LARGE1: variants seen among roughly 807,000 people sequenced by gnomAD.
LARGE1 encodes the protein xylosyl- and glucuronyltransferase LARGE1.
LARGE1 carries 43 observed loss-of-function variants against 87.6 expected under a neutral mutation model. The ratio of observed to expected loss-of-function variants is 0.49; its 90% CI spans 0.38 to 0.63. The LOEUF (loss-of-function observed/expected upper bound fraction) is 0.63, where lower values mean the gene tolerates loss of function less well. Among genes scored for constraint, LARGE1 ranks in the 30% least tolerant of loss-of-function variants. LARGE1 has a pLI of 0.00. For missense variants in LARGE1, 802 were observed against 1,000.2 expected (o/e 0.80, Z 2.67); for synonymous variants, 434 against 394.6 (o/e 1.10, Z -1.18).
chr22:33,071,021 T>TA, the LARGE1 span, among the ~76,000 whole-genome samples: 5 of 151,694 alleles, frequency 3.3e-5, no homozygotes, highest in Non-Finnish European at 7.4e-5. Context: ...AATAAAAAAT[T>TA]AAAAAAAATA....
intron 1 of LARGE1, among the ~76,000 whole-genome samples, chr22:33,895,303 G>A (rs79143023): frequency 0.015 from 2,228 of 152,298 alleles, 40 homozygotes; most frequent in African/African-American, 0.051. Flanking sequence ...GGTGACCAGA[G>A]TAGAAAACTA....
intron 7 of LARGE1, among the ~76,000 whole-genome samples, chr22:33,393,734 T>C (rs1003259267): frequency 6.6e-6 from 1 of 152,232 alleles, no homozygotes; most frequent in Non-Finnish European, 1.5e-5. Flanking sequence ...TGCCCCTGAG[T>C]GCTCTGCACA....
At chr22:33,777,882 C>T (rs1315694134) in intron 1 of LARGE1, among the ~76,000 whole-genome samples, 2 of 152,192 alleles carry the variant, frequency 1.3e-5, no homozygotes, top group Admixed American at 6.5e-5. Flanking sequence ...TTTTGGGGGG[C>T]TTTCCTTGTT....
At chr22:33,505,621 G>A (rs1051587832) in intron 6 of LARGE1, among the ~76,000 whole-genome samples, 3 of 152,144 alleles carry the variant, frequency 2.0e-5, no homozygotes, top group African/African-American at 7.2e-5. Context: ...TGAATATGAA[G>A]AACTTTCAAA....
chr22:33,863,296 A>G (rs1340422037), intron 1 of LARGE1, among the ~76,000 whole-genome samples: 3 of 152,190 alleles, frequency 2.0e-5, no homozygotes, highest in Non-Finnish European at 4.4e-5. Flanking sequence ...GCACTCAATA[A>G]TGCTGTTGTC....
intron 6 of LARGE1, among the ~76,000 whole-genome samples, chr22:33,510,514 T>C (rs534990286): frequency 4.0e-4 from 61 of 152,324 alleles, no homozygotes; most frequent in African/African-American, 1.4e-3. Flanking sequence ...TAAGTGTGTA[T>C]AGCCCACATT....
chr22:33,538,533 G>A lies in LARGE1; in HGVS notation c.787+26315C>T, dbSNP rs374492370. Among the ~76,000 whole-genome samples, 63 of 152,252 alleles carry A rather than the reference G, an allele frequency of 4.1e-4. 1 individual carries two copies. In the South Asian group the frequency reaches 0.011, roughly 28 times the overall value. On this transcript the variant is annotated intron_variant, in intron 6 of 14. Coordinates refer to ENST00000397394, the MANE Select transcript of LARGE1 (RefSeq NM_133642.5). ...TCTTCCCTGAAGGTTAATGAAAAACGAAAATGGAGCCACATTTTTTATTTT... is the reference window on the plus strand; with the variant it reads ...TCTTCCCTGAAGGTTAATGAAAAACAAAAATGGAGCCACATTTTTTATTTT...
intron 10 of LARGE1, 29 bp from the exon 11 acceptor site, chr22:33,316,277 C>A: frequency 6.2e-7 from 1 of 1,610,600 alleles, no homozygotes; most frequent in Non-Finnish European, 8.5e-7. Context: ...GGCTTGGGCA[C>A]GTGAAGAAGA....
At chr22:33,685,629 T>C (rs932694307) in intron 2 of LARGE1, among the ~76,000 whole-genome samples, 6 of 152,212 alleles carry the variant, frequency 3.9e-5, no homozygotes, top group African/African-American at 1.4e-4. Context: ...AGGTATTTTT[T>C]ATTTCCACTC....
At chr22:33,668,864 G>A (rs964386116) in intron 2 of LARGE1, among the ~76,000 whole-genome samples, 1 of 152,196 alleles carries the variant, frequency 6.6e-6, no homozygotes, top group African/African-American at 2.4e-5. Context: ...TTTGGAAGTA[G>A]TGTAAGTATG....
At chr22:33,530,724 C>T (rs141780590) in intron 6 of LARGE1, among the ~76,000 whole-genome samples, 230 of 152,258 alleles carry the variant, frequency 1.5e-3, no homozygotes, top group Admixed American at 4.3e-3. Context: ...CCTGCAGAGC[C>T]TGAGTCTCCA....
intron 6 of LARGE1, among the ~76,000 whole-genome samples, chr22:33,465,732 G>C (rs1048555475): frequency 2.0e-5 from 3 of 152,166 alleles, no homozygotes; most frequent in African/African-American, 7.2e-5. Context: ...CAGACAAAGT[G>C]CACTGCTGAT....
the LARGE1 span, among the ~76,000 whole-genome samples, chr22:33,104,889 C>CTCTCTCTT: frequency 0.013 from 1,181 of 89,124 alleles, 12 homozygotes; most frequent in East Asian, 0.077. Context: ...GACTTTCTCT[C>CTCTCTCTT]TCTTTCTTTC....
chr22:33,635,835 C>T (rs1477634807), intron 3 of LARGE1, among the ~76,000 whole-genome samples: 1 of 152,238 alleles, frequency 6.6e-6, no homozygotes, highest in African/African-American at 2.4e-5. Context: ...TCATCTAAAT[C>T]TGTCCACTCT....
chr22:33,829,006 C>CTTTTTTTTT lies in LARGE1; in HGVS notation c.-82-67457_-82-67449dup, dbSNP rs776583343. Among the ~76,000 whole-genome samples the CTTTTTTTTT allele has an allele frequency of 1.7e-3, 162 of 94,702 alleles. 1 individual carries two copies. The highest frequency in any genetic ancestry group is 4.0e-3 in the East Asian group (12 of 3,036). 62.1% of individuals were successfully genotyped at this position (94,702 alleles called of 152,430 possible). A position where few individuals can be genotyped will look rare whatever the true frequency, so the allele number is the denominator to read the frequency against. On this transcript the variant is annotated intron_variant, in intron 1 of 14. Transcript: ENST00000397394. Reference sequence around the variant, plus strand: ...GAGATGCTTTGTGAAGTCTCTTTTTCTTTTTTTTTTTTTTTTTTTTTTGAG... The same window carrying CTTTTTTTTT: ...GAGATGCTTTGTGAAGTCTCTTTTTCTTTTTTTTTTTTTTTTTTTTTTTTTTTTTTTGAG...
intron 3 of LARGE1, among the ~76,000 whole-genome samples, chr22:33,628,845 G>A (rs1047954977): frequency 6.6e-6 from 1 of 152,042 alleles, no homozygotes; most frequent in African/African-American, 2.4e-5. Context: ...TCACTACTTG[G>A]TGGGTCTGGG....
At chr22:33,739,206 C>T (rs769464188) in intron 2 of LARGE1, among the ~76,000 whole-genome samples, 32 of 151,748 alleles carry the variant, frequency 2.1e-4, no homozygotes, top group Admixed American at 1.6e-3. Context: ...ACTTGATGGG[C>T]GCTGAGTTAT....
chr22:33,213,191 T>C (rs981340829), intron 11 of LARGE1, among the ~76,000 whole-genome samples: 1 of 152,090 alleles, frequency 6.6e-6, no homozygotes, highest in African/African-American at 2.4e-5. Context: ...GCATTAGAAG[T>C]AGCGTGTGAA....
At chr22:33,076,948 G>A in the LARGE1 span, among the ~76,000 whole-genome samples, 6 of 152,130 alleles carry the variant, frequency 3.9e-5, no homozygotes, top group Non-Finnish European at 4.4e-5. Context: ...GAGGTCTCTG[G>A]AATCAGACTG....
Sources: allele counts gnomAD v4.1 joint callset (sites outside exome capture counted in the v4.1 genomes callset), GRCh38; gene constraint gnomAD v4.1.1; transcripts MANE v1.5; gene names NCBI Gene and HGNC (gene_info 2026-07-23, HGNC 2026-07-21).